CTNND2: variants seen among roughly 807,000 people sequenced by gnomAD.
CTNND2 encodes the protein catenin delta 2.
In CTNND2, 22 loss-of-function variants were observed where a neutral mutation model predicts 144.4. The ratio of observed to expected loss-of-function variants is 0.15; its 90% CI spans 0.11 to 0.22. CTNND2 has a LOEUF of 0.22. CTNND2 is among the 10% of genes least tolerant of loss of function. CTNND2 has a pLI of 1.00. For missense variants in CTNND2, 1,353 were observed against 1,618.8 expected, an observed-to-expected ratio of 0.84 and a Z score of 2.82; for synonymous variants, 751 against 695.6, an observed-to-expected ratio of 1.08 and a Z score of -1.25.
At chr5:11,382,728 C>A (rs1742389106) in intron 7 of CTNND2, among the ~76,000 whole-genome samples, 1 of 151,750 alleles carries the variant, frequency 6.6e-6, no homozygotes, top group East Asian at 1.9e-4. Context: ...AAAATCACAA[C>A]CCCGAAATTC....
At chr5:11,482,977 C>T (rs1561458377) in intron 3 of CTNND2, among the ~76,000 whole-genome samples, 1 of 151,850 alleles carries the variant, frequency 6.6e-6, no homozygotes, top group Admixed American at 6.6e-5. Flanking sequence ...AGGAACTGGG[C>T]TTTTCTCTGA....
chr5:11,536,785 C>T (rs958476220), intron 3 of CTNND2, among the ~76,000 whole-genome samples: 4 of 151,946 alleles, frequency 2.6e-5, no homozygotes, highest in East Asian at 1.9e-4. Context: ...GCGCACTGTT[C>T]GGGTTATGGG....
intron 1 of CTNND2, among the ~76,000 whole-genome samples, chr5:11,737,363 C>T (rs1013571835): frequency 1.3e-5 from 2 of 152,118 alleles, no homozygotes; most frequent in Non-Finnish European, 2.9e-5. Context: ...TTCTTGCTAC[C>T]CTTGAAGTGG....
Position 11,384,422 on chromosome 5 carries a change from G to T in CTNND2, c.1177+243C>A. ...GAGAGGGCAGAGAGAGAAGAGAGGA[G>T]AGAAGAGAGTGATATAGGTGTTAGA... On this transcript the variant is annotated intron_variant, in intron 7 of 21. Coordinates refer to ENST00000304623, the MANE Select transcript of CTNND2 (RefSeq NM_001332.4). This position sits in a 1 kb window ranked among gnomAD's most constrained non-coding sequence, Gnocchi z 5.2. The T allele has an allele frequency of 1.8e-6, 1 of 542,938 alleles. No homozygotes were observed. The highest frequency in any genetic ancestry group is 3.2e-6 in the Non-Finnish European group (1 of 308,466). 33.6% of individuals were successfully genotyped at this position (542,938 alleles called of 1,614,324 possible).
chr5:11,163,247 T>C (rs952513013), intron 11 of CTNND2, among the ~76,000 whole-genome samples: 2 of 152,164 alleles, frequency 1.3e-5, no homozygotes, highest in African/African-American at 2.4e-5. Context: ...TCTCAGATTG[T>C]TATTTGAGGG....
intron 9 of CTNND2, among the ~76,000 whole-genome samples, chr5:11,330,315 C>CAAAAAAAAA (rs1257414767): frequency 7.9e-4 from 65 of 82,314 alleles, no homozygotes; most frequent in African/African-American, 1.4e-3. Context: ...ACTAAAAATA[C>CAAAAAAAAA]AAAAAAAAAA....
intron 3 of CTNND2, among the ~76,000 whole-genome samples, chr5:11,505,698 C>G (rs1770965261): frequency 6.6e-6 from 1 of 152,134 alleles, no homozygotes; most frequent in African/African-American, 2.4e-5. Context: ...ACCCCAAGTT[C>G]TAAATATCTT....
At chr5:11,113,316 C>T (rs1753195539) in intron 13 of CTNND2, among the ~76,000 whole-genome samples, 1 of 152,146 alleles carries the variant, frequency 6.6e-6, no homozygotes, top group Middle Eastern at 3.2e-3. Context: ...CAAACTGCCG[C>T]CCAGGGGTCC....
At chr5:11,496,779 A>C (rs773137764) in intron 3 of CTNND2, among the ~76,000 whole-genome samples, 1 of 152,194 alleles carries the variant, frequency 6.6e-6, no homozygotes, top group Non-Finnish European at 1.5e-5. Context: ...CCATAGAAAC[A>C]GTGGTATATG....
chr5:11,035,879 TCA>T (rs1406491411), intron 16 of CTNND2, among the ~76,000 whole-genome samples: 1 of 151,046 alleles, frequency 6.6e-6, no homozygotes, highest in African/African-American at 2.4e-5. Context: ...ATGAAAGGTG[TCA>T]CAGTCTTTTA....
intron 1 of CTNND2, among the ~76,000 whole-genome samples, chr5:11,885,022 G>A (rs186964177): frequency 5.9e-5 from 9 of 152,234 alleles, no homozygotes; most frequent in Admixed American, 3.3e-4. Flanking sequence ...TGATCATGGC[G>A]TATAAAAGCA....
At chr5:11,902,266 T>C (rs571279205) in intron 1 of CTNND2, among the ~76,000 whole-genome samples, 5 of 152,332 alleles carry the variant, frequency 3.3e-5, no homozygotes, top group Admixed American at 6.5e-5. Flanking sequence ...CATATGCTAA[T>C]AAAAGACATT....
chr5:11,170,790 G>C (rs1410560984), intron 11 of CTNND2, among the ~76,000 whole-genome samples: 1 of 152,058 alleles, frequency 6.6e-6, no homozygotes, highest in Non-Finnish European at 1.5e-5. Context: ...CCTGAGACTG[G>C]GTAATTTATA....
intron 9 of CTNND2, among the ~76,000 whole-genome samples, chr5:11,270,772 T>C (rs1745917372): frequency 6.6e-6 from 1 of 152,216 alleles, no homozygotes; most frequent in Non-Finnish European, 1.5e-5. Context: ...TTAGCCTTAT[T>C]ATTGCAAGAA....
intron 9 of CTNND2, among the ~76,000 whole-genome samples, chr5:11,302,769 A>C (rs1749746956): frequency 6.6e-6 from 1 of 152,094 alleles, no homozygotes; most frequent in Admixed American, 6.5e-5. Context: ...CAGGAAAATG[A>C]TCTCCTGGGC....
intron 3 of CTNND2, among the ~76,000 whole-genome samples, chr5:11,547,110 A>G (rs750941711): frequency 6.6e-5 from 10 of 152,022 alleles, no homozygotes; most frequent in Non-Finnish European, 1.2e-4. Context: ...CTCTACTAAA[A>G]ATACAAAAAT....
chr5:11,745,074 G>A (rs1788235828), intron 1 of CTNND2, among the ~76,000 whole-genome samples: 1 of 152,108 alleles, frequency 6.6e-6, no homozygotes, highest in South Asian at 2.1e-4. Context: ...ATTTGTTAAT[G>A]ATCTTGAACT....
intron 16 of CTNND2, among the ~76,000 whole-genome samples, chr5:11,070,495 G>A (rs954445937): frequency 9.9e-5 from 15 of 152,168 alleles, no homozygotes; most frequent in African/African-American, 3.6e-4. Context: ...ATATCATGTA[G>A]TGTAATATAC....
intron 16 of CTNND2, among the ~76,000 whole-genome samples, chr5:11,039,554 T>A (rs1744464996): frequency 6.6e-6 from 1 of 152,194 alleles, no homozygotes; most frequent in Admixed American, 6.5e-5. Flanking sequence ...AGAGATGCCT[T>A]GATTTTTTTA....
Sources: allele counts gnomAD v4.1 joint callset (sites outside exome capture counted in the v4.1 genomes callset), GRCh38; gene constraint gnomAD v4.1.1; non-coding constraint Gnocchi (gnomAD v3.1); transcripts MANE v1.5; gene names NCBI Gene and HGNC (gene_info 2026-07-23, HGNC 2026-07-21).